Variants in SPTBN2 observed in about 807,000 individuals in gnomAD.
SPTBN2 encodes the protein spectrin beta chain, non-erythrocytic 2.
SPTBN2 carries 107 observed loss-of-function variants against 284.2 expected under a neutral mutation model. That is an observed-to-expected ratio of 0.38 (90% confidence interval 0.32 to 0.44). The LOEUF (loss-of-function observed/expected upper bound fraction) is 0.44, where lower values mean the gene tolerates loss of function less well. Among genes scored for constraint, SPTBN2 ranks in the 20% least tolerant of loss-of-function variants. The probability of loss-of-function intolerance (pLI) is 1.00; values close to 1 mark genes in which losing one functional copy is unlikely to be tolerated. For synonymous variants in SPTBN2, 1,289 were observed against 1,354.8 expected (o/e 0.95, Z 1.07); for missense variants, 2,569 against 3,287.1 (o/e 0.78, Z 5.34).
At chr11:66,690,608 G>C (rs965401589) in intron 27 of SPTBN2, among the ~76,000 whole-genome samples, 1 of 152,206 alleles carries the variant, frequency 6.6e-6, no homozygotes, top group Non-Finnish European at 1.5e-5. Flanking sequence ...AGGGGATTCA[G>C]GCAGGGGCTG....
chr11:66,703,367 C>G (rs1565133150), intron 15 of SPTBN2, among the ~76,000 whole-genome samples: 1 of 151,940 alleles, frequency 6.6e-6, no homozygotes, highest in Non-Finnish European at 1.5e-5. Flanking sequence ...CAGGTGTGAG[C>G]CACCAGGCCT....
intron 8 of SPTBN2, among the ~76,000 whole-genome samples, chr11:66,711,341 G>T (rs991233968): frequency 6.6e-6 from 1 of 152,202 alleles, no homozygotes; most frequent in African/African-American, 2.4e-5. Context: ...AAAAGAAACA[G>T]CATTGCTATG....
rs750213930 is a variant in SPTBN2 at position 66,690,187 on chromosome 11, C to T, written c.5662G>A (p.Ala1888Thr). 13 of 1,613,904 alleles carry T rather than the reference C, an allele frequency of 8.1e-6. No individual in the cohort carries two copies. The highest frequency in any genetic ancestry group is 8.0e-5 in the African/African-American group (6 of 74,952). ...IGRHMQAVAE[A>T]WAQLQGSSAA... ...GAGCTTCCCTGAAGCTGGGCCCAGG[C>T]CTCGGCCACGGCCTGCATGTGGCGG... is the stretch of plus-strand genomic sequence containing the variant. Residue 1888 changes from alanine to threonine, a missense_variant, in exon 28 of 38, where the codon GCC (alanine) becomes ACC (threonine). By Grantham distance (58) the Ala-to-Thr change is moderately conservative. Transcript: ENST00000533211.
chr11:66,689,058 C>G (rs764835775), intron 30 of SPTBN2, 38 bp downstream of exon 30: 3 of 1,578,370 alleles, frequency 1.9e-6, no homozygotes, highest in South Asian at 1.1e-5. Context: ...GGATGCCCCC[C>G]ACTCCCCACA....
At position 66,699,079 on chromosome 11, in the gene SPTBN2, G is replaced by A. The variant is rs1941099624; in HGVS notation, c.3780C>T (p.His1260=). 1.2e-6 allele frequency: 2 copies of A among 1,614,086 alleles called. No homozygotes were observed. Among genetic ancestry groups the A allele is most frequent in the Admixed American group, 1.7e-5 (1 of 60,012 alleles). Residue 1260 remains histidine (H), a synonymous_variant, in exon 19 of 38, where the codon CAC becomes CAT. Coordinates refer to ENST00000533211, the MANE Select transcript of SPTBN2 (RefSeq NM_006946.4). Reference sequence around the variant, plus strand: ...GCTGCGCTGCGTCTTGATTCTTCTTGTGCCTGGAACGACACCCTCTTGTGA... The same window carrying A: ...GCTGCGCTGCGTCTTGATTCTTCTTATGCCTGGAACGACACCCTCTTGTGA... ...REKADSIERR[H]KKNQDAAQQF...
In SPTBN2 at chr11:66,701,009, G is replaced by A. The variant is rs748057256; in HGVS notation, c.3090C>T (p.Pro1030=). ...GGGCGTTGATGGCCACTGCCTGAGCGGGATGGCCGGCAGCCAGGGCATTTG... is the reference window on the plus strand; with the variant it reads ...GGGCGTTGATGGCCACTGCCTGAGCAGGATGGCCGGCAGCCAGGGCATTTG... The part of the protein sequence containing the change: ...REANALAAGH[P]AQAVAINARL... Residue 1030 remains proline, a synonymous_variant, in exon 17 of 38, where the codon CCC becomes CCT. Transcript: ENST00000533211. The A allele has an allele frequency of 1.5e-5, 24 of 1,607,996 alleles. No homozygotes were observed. The highest frequency in any genetic ancestry group is 1.7e-4 in the Middle Eastern group (1 of 6,052).
chr11:66,683,313 G>A lies in SPTBN2; in HGVS notation c.*2558C>T, dbSNP rs1159135888. ...GATCTCCTGACCTCGTGATCCGCCCGCCTCGGCCTCCCAAAGTGCTGGGAT... is the reference window on the plus strand; with the variant it reads ...GATCTCCTGACCTCGTGATCCGCCCACCTCGGCCTCCCAAAGTGCTGGGAT... On this transcript the variant is annotated 3_prime_UTR_variant, in exon 38 of 38. Transcript: ENST00000533211. 6.6e-6 allele frequency among the ~76,000 whole-genome samples: 1 copy of A among 151,442 alleles called. No individual in the cohort carries two copies. The highest frequency in any genetic ancestry group is 1.5e-5 in the Non-Finnish European group (1 of 67,868).
chr11:66,698,669 G>A lies in SPTBN2; in HGVS notation c.3984C>T (p.Ala1328=). ...CCACCTTGTCCAGCCAGTCTTTGTTGGCAGCCAGCTCGGCCATGAATGCCT... is the reference window on the plus strand; with the variant it reads ...CCACCTTGTCCAGCCAGTCTTTGTTAGCAGCCAGCTCGGCCATGAATGCCT... ...KHQAFMAELA[A]NKDWLDKVDK... Residue 1328 remains alanine (A), a synonymous_variant, in exon 20 of 38, where the codon GCC becomes GCT. Coordinates refer to ENST00000533211, the MANE Select transcript of SPTBN2 (RefSeq NM_006946.4). 1 of 1,614,226 alleles carries A rather than the reference G, an allele frequency of 6.2e-7. No individual in the cohort carries two copies.
intron 21 of SPTBN2, 74 bp from the exon 22 acceptor site, chr11:66,694,437 T>C: frequency 6.8e-7 from 1 of 1,473,662 alleles, no homozygotes; most frequent in Non-Finnish European, 9.2e-7. Flanking sequence ...CACCAACCAG[T>C]CTCTATCCAG....
intron 32 of SPTBN2, 39 bp from the exon 33 acceptor site, chr11:66,688,118 G>A: frequency 6.2e-7 from 1 of 1,613,742 alleles, no homozygotes; most frequent in Non-Finnish European, 8.5e-7. Flanking sequence ...ATTAGTCCCT[G>A]GGTGGCCTGG....
At chr11:66,724,604 A>G (rs1483526905) in intron 1 of SPTBN2, among the ~76,000 whole-genome samples, 1 of 152,166 alleles carries the variant, frequency 6.6e-6, no homozygotes, top group African/African-American at 2.4e-5. Flanking sequence ...TCCAAACCAC[A>G]GTAGCTCTGA....
intron 1 of SPTBN2, among the ~76,000 whole-genome samples, chr11:66,739,058 T>C (rs1395353898): frequency 6.6e-6 from 1 of 150,746 alleles, no homozygotes; most frequent in Non-Finnish European, 1.5e-5. Context: ...CTGCCCACTT[T>C]AGCCTCCCCA....
chr11:66,714,514 G>T, intron 5 of SPTBN2, 107 bp from the exon 6 acceptor site: 1 of 985,230 alleles, frequency 1.0e-6, no homozygotes, highest in Non-Finnish European at 1.6e-6. Flanking sequence ...TGTGGTAATG[G>T]GGTGGACAGG....
chr11:66,739,089 G>A (rs745514839), intron 1 of SPTBN2, among the ~76,000 whole-genome samples: 4 of 152,218 alleles, frequency 2.6e-5, no homozygotes, highest in Admixed American at 6.5e-5. Flanking sequence ...TTACAGGCGT[G>A]AGCCAACGTG....
At chr11:66,735,314 CA>C (rs1227277517) in intron 1 of SPTBN2, among the ~76,000 whole-genome samples, 10 of 145,910 alleles carry the variant, frequency 6.9e-5, no homozygotes, top group Non-Finnish European at 1.5e-4. Context: ...TCCTGGGTGA[CA>C]GAGCAAGACA....
At chr11:66,730,520 C>CA (rs1590996423), upstream of SPTBN2, among the ~76,000 whole-genome samples, 7 of 150,268 alleles carry the variant, frequency 4.7e-5, no homozygotes, top group East Asian at 1.4e-3. Context: ...GCAGAGGTTG[C>CA]AGTGAGCTGA....
At chr11:66,738,395 C>T (rs141596309) in intron 1 of SPTBN2, among the ~76,000 whole-genome samples, 2 of 152,310 alleles carry the variant, frequency 1.3e-5, no homozygotes, top group African/African-American at 2.4e-5. Context: ...GACATCCTGA[C>T]CCTTTCAGAC....
chr11:66,726,057 TC>T (rs1942611776), intron 1 of SPTBN2, among the ~76,000 whole-genome samples: 1 of 152,198 alleles, frequency 6.6e-6, no homozygotes, highest in African/African-American at 2.4e-5. Context: ...CACATTTAAC[TC>T]ATTGAGGACA....
chr11:66,686,470 G>C (rs922904722), intron 36 of SPTBN2, 30 bp from the exon 37 acceptor site: 14 of 1,613,140 alleles, frequency 8.7e-6, no homozygotes, highest in Non-Finnish European at 1.2e-5. Context: ...ACAGGGCAGA[G>C]CTGAGAATCC....
Sources: allele counts gnomAD v4.1 joint callset (sites outside exome capture counted in the v4.1 genomes callset), GRCh38; gene constraint gnomAD v4.1.1; transcripts MANE v1.5; gene names NCBI Gene and HGNC (gene_info 2026-07-23, HGNC 2026-07-21).